Variants in FOCAD observed in about 807,000 individuals in gnomAD.
FOCAD encodes focadhesin.
In FOCAD, 198 loss-of-function variants were observed where a neutral mutation model predicts 225.6. The ratio of observed to expected loss-of-function variants is 0.88; its 90% confidence interval spans 0.78 to 0.99. The LOEUF (loss-of-function observed/expected upper bound fraction) is 0.99, where lower values mean the gene tolerates loss of function less well. FOCAD is among the 50% of genes least tolerant of loss of function. The pLI, the probability that FOCAD is intolerant of heterozygous loss-of-function variation, is 0.00. For synonymous variants in FOCAD, 897 were observed against 755.0 expected (o/e 1.19, Z -3.08); for missense variants, 2,713 against 2,123.6 (o/e 1.28, Z -5.46).
At chr9:20,716,329 A>G (rs1192588434) in intron 2 of FOCAD, 1 of 186,888 alleles carries the variant, frequency 5.4e-6, no homozygotes, top group Non-Finnish European at 1.2e-5. Flanking sequence ...CTGTTAAATT[A>G]GGTGAAAAAA....
rs7862230 is a variant in FOCAD, at chr9:20,775,075, G to A, written c.907-3606G>A. 6.9e-3 allele frequency among the ~76,000 whole-genome samples: 1,053 copies of A among 152,238 alleles called. 10 individuals are homozygous for A. The highest frequency in any genetic ancestry group is 0.024 in the African/African-American group (1,010 of 41,538). On this transcript the variant is annotated intron_variant, in intron 8 of 43. Coordinates refer to ENST00000338382, the MANE Select transcript of FOCAD (RefSeq NM_001375567.1). ...TCTGTATCGCTGGGTTTATCAGCTGGATGTCTTGTTCAAATATTATATTCA... is the reference window on the plus strand; with the variant it reads ...TCTGTATCGCTGGGTTTATCAGCTGAATGTCTTGTTCAAATATTATATTCA...
chr9:20,984,790 G>T (rs572014074), intron 39 of FOCAD, among the ~76,000 whole-genome samples: 1 of 152,088 alleles, frequency 6.6e-6, no homozygotes, highest in African/African-American at 2.4e-5. Flanking sequence ...TCAACAACTT[G>T]TAGTTCCTTT....
Position 20,954,712 on chromosome 9 carries a change from G to C in FOCAD, c.4132+1647G>C, listed in dbSNP as rs182308189. Reference sequence around the variant, plus strand: ...AGCTGTTTTAAAACAAATAAATGAAGTATTAAGAATGCCATATTACCAATC... The same window carrying C: ...AGCTGTTTTAAAACAAATAAATGAACTATTAAGAATGCCATATTACCAATC... On this transcript the variant is annotated intron_variant, in intron 35 of 43. Coordinates refer to ENST00000338382, the MANE Select transcript of FOCAD (RefSeq NM_001375567.1). Among the ~76,000 whole-genome samples, 3 of 152,258 alleles carry C rather than the reference G, an allele frequency of 2.0e-5. No individual in the cohort carries two copies. In the East Asian group the frequency reaches 5.8e-4, roughly 29 times the overall value.
At chr9:20,849,666 G>T (rs574301855) in intron 15 of FOCAD, among the ~76,000 whole-genome samples, 1 of 151,816 alleles carries the variant, frequency 6.6e-6, no homozygotes, top group African/African-American at 2.4e-5. Context: ...TTACAAACTC[G>T]TGTACATGGG....
intron 39 of FOCAD, among the ~76,000 whole-genome samples, chr9:20,983,979 A>G (rs547483440): frequency 6.6e-6 from 1 of 152,358 alleles, no homozygotes; most frequent in Admixed American, 6.5e-5. Context: ...CTTAGTACCT[A>G]GAGCTGAAGG....
chr9:20,824,853 T>C (rs1203823829), intron 15 of FOCAD, among the ~76,000 whole-genome samples: 1 of 152,108 alleles, frequency 6.6e-6, no homozygotes, highest in Admixed American at 6.6e-5. Context: ...TTTTCGTCTG[T>C]TCATTCTTGT....
At position 20,989,602 on chromosome 9, in the gene FOCAD, T is replaced by C. The variant is rs146962764; in HGVS notation, c.5005-521T>C. 3.9e-5 allele frequency among the ~76,000 whole-genome samples: 6 copies of C among 152,314 alleles called. No individual in the cohort carries two copies. The East Asian group carries it at 7.7e-4, about 20-fold the overall frequency. ...GGGAGGCTGAAGCAGGAGGATTTCT[T>C]GTGCTCAAGAGTTCAAGATCACTCT... is the stretch of plus-strand genomic sequence containing the variant. On this transcript the variant is annotated intron_variant, in intron 41 of 43. Transcript: ENST00000338382.
rs570955294 is a variant in FOCAD at position 20,696,598 on chromosome 9, G to A, written c.-33+12305G>A. On this transcript the variant is annotated intron_variant, in intron 1 of 43. Coordinates refer to ENST00000338382, the MANE Select transcript of FOCAD (RefSeq NM_001375567.1). ...ACAGGTGGATGGCTTGAGCCCAGGA[G>A]TTTGAGACCAGCCTGGGCAACATGG... 2.0e-5 allele frequency among the ~76,000 whole-genome samples: 3 copies of A among 152,260 alleles called. No individual in the cohort carries two copies. The South Asian group carries it at 6.2e-4, about 32-fold the overall frequency.
At chr9:20,853,403 A>C (rs540561370) in intron 15 of FOCAD, among the ~76,000 whole-genome samples, 1 of 151,846 alleles carries the variant, frequency 6.6e-6, no homozygotes, top group South Asian at 2.1e-4. Context: ...ACAATTCTAA[A>C]CCTGTTCTAT....
chr9:20,858,787 G>C (rs182252383), intron 15 of FOCAD, among the ~76,000 whole-genome samples: 42 of 151,954 alleles, frequency 2.8e-4, no homozygotes, highest in African/African-American at 9.2e-4. Context: ...TGGTATGTTT[G>C]TGTTCTTCAT....
intron 1 of FOCAD, among the ~76,000 whole-genome samples, chr9:20,704,844 G>A (rs117956430): frequency 2.0e-5 from 3 of 152,132 alleles, no homozygotes; most frequent in Non-Finnish European, 4.4e-5. Context: ...TGTTAGTCAA[G>A]ATTTTCCTAT....
chr9:20,764,917 G>T lies in FOCAD; in HGVS notation c.543G>T (p.Leu181=). 2 of 1,614,112 alleles carry T rather than the reference G, an allele frequency of 1.2e-6. No individual in the cohort carries two copies. Among genetic ancestry groups the T allele is most frequent in the South Asian group, 1.1e-5 (1 of 91,086 alleles). The change falls in exon 7 of 44, where the codon CTG becomes CTT. Residue 181 remains leucine (L), a synonymous_variant. Transcript: ENST00000338382. The part of the protein sequence containing the change: ...IQIMAPFLWY[L]YCEPSQLQEY... ...TAATGGCACCATTTCTGTGGTATCT[G>T]TATTGTGAACCATCTCAGTTACAAG...
At chr9:20,676,482 G>C (rs550068236) in intron 2 of FOCAD, among the ~76,000 whole-genome samples, 1 of 152,070 alleles carries the variant, frequency 6.6e-6, no homozygotes, top group Admixed American at 6.6e-5. Flanking sequence ...AAAATTACAA[G>C]GCAAACAGAG....
chr9:20,944,581 G>A, intron 28 of FOCAD, 46 bp from the exon 29 acceptor site: 1 of 1,586,422 alleles, frequency 6.3e-7, no homozygotes, highest in Non-Finnish European at 8.6e-7. Flanking sequence ...GAGCAATTGT[G>A]TGGATTTCTT....
intron 15 of FOCAD, among the ~76,000 whole-genome samples, chr9:20,860,553 CAGAGTCTCACT>C (rs1828675431): frequency 6.6e-6 from 1 of 152,166 alleles, no homozygotes; most frequent in African/African-American, 2.4e-5. Context: ...GTTTTTGAGA[CAGAGTCTCACT>C]CTGTAGCCCA....
In FOCAD at chr9:20,771,001, A is replaced by G. The variant is rs186872100; in HGVS notation, c.906+763A>G. 7.0e-4 allele frequency among the ~76,000 whole-genome samples: 107 copies of G among 152,320 alleles called. 2 individuals are homozygous for G. The highest frequency in any genetic ancestry group is 2.5e-3 in the African/African-American group (102 of 41,568). ...AATAACTAAATTATAGTACAATAAG[A>G]GAAAGGATTTTATGGGAGTATATTT... is the stretch of plus-strand genomic sequence containing the variant. On this transcript the variant is annotated intron_variant, in intron 8 of 43. Coordinates refer to ENST00000338382, the MANE Select transcript of FOCAD (RefSeq NM_001375567.1).
chr9:20,795,802 A>G (rs1442915833), intron 11 of FOCAD, among the ~76,000 whole-genome samples: 1 of 149,766 alleles, frequency 6.7e-6, no homozygotes, highest in East Asian at 2.0e-4. Context: ...AAAAAAAAAA[A>G]AAAAAGACAC....
chr9:20,917,411 T>C (rs1318436178), intron 24 of FOCAD, among the ~76,000 whole-genome samples: 2 of 152,182 alleles, frequency 1.3e-5, no homozygotes, highest in Non-Finnish European at 2.9e-5. Flanking sequence ...GCAGTTTTAG[T>C]CATATGCTTA....
intron 6 of FOCAD, 96 bp downstream of exon 6, chr9:20,758,287 T>G: frequency 2.6e-6 from 2 of 765,340 alleles, no homozygotes; most frequent in Non-Finnish European, 4.1e-6. Flanking sequence ...TTGTTTCTTT[T>G]TAGCTGCTTT....
Sources: gnomAD v4.1 joint callset for allele counts (sites outside exome capture counted in the v4.1 genomes callset) on GRCh38, gnomAD v4.1.1 for gene constraint, MANE v1.5 for transcripts, NCBI Gene and HGNC (gene_info 2026-07-23, HGNC 2026-07-21) for gene names.